SP100: variants seen among roughly 807,000 people sequenced by gnomAD.
SP100 encodes the protein SP100 nuclear body protein, also known as nuclear autoantigen Sp-100.
Under a neutral mutation model 130.0 loss-of-function variants are expected in SP100, and 84 were observed. The ratio of observed to expected loss-of-function variants is 0.65; its 90% CI spans 0.54 to 0.77. The LOEUF (loss-of-function observed/expected upper bound fraction) is 0.77, where lower values mean the gene tolerates loss of function less well. SP100 is among the 30% of genes least tolerant of loss of function. The probability of loss-of-function intolerance (pLI) is 0.00; values close to 1 mark genes in which losing one functional copy is unlikely to be tolerated. For missense variants in SP100, 978 were observed against 1,052.2 expected (o/e 0.93, Z 0.97); for synonymous variants, 331 against 351.7 (o/e 0.94, Z 0.66).
At chr2:230,436,942 G>A (rs61017785) in intron 2 of SP100, among the ~76,000 whole-genome samples, 28 of 107,470 alleles carry the variant, frequency 2.6e-4, no homozygotes, top group East Asian at 1.1e-3. Flanking sequence ...ATACACACAC[G>A]CATATATGTG....
rs184113166 is a variant in SP100 at position 230,493,682 on chromosome 2, T to C, written c.1601-734T>C. On this transcript the variant is annotated intron_variant, in intron 17 of 28. Coordinates refer to ENST00000340126, the MANE Select transcript of SP100 (RefSeq NM_001080391.2). ...TTTTTTCTACTTATTTCTTAAGTTC[T>C]GGCTGTTATAAACACAATTACAGCT... 3.7e-4 allele frequency: 57 copies of C among 152,332 alleles called. 1 individual carries two copies. Among genetic ancestry groups the C allele is most frequent in the African/African-American group, 1.3e-3 (55 of 41,578 alleles). 9.4% of individuals were successfully genotyped at this position (152,332 alleles called of 1,614,324 possible). A position where few individuals can be genotyped will look rare whatever the true frequency, so the allele number is the denominator to read the frequency against.
intron 3 of SP100, among the ~76,000 whole-genome samples, chr2:230,443,770 G>A (rs985134663): frequency 1.8e-4 from 27 of 152,178 alleles, no homozygotes; most frequent in Non-Finnish European, 2.9e-5. Flanking sequence ...AGGGGAGACT[G>A]GTTGCCTGGT....
Position 230,466,042 on chromosome 2 carries a change from G to A in SP100, c.1142-259G>A, listed in dbSNP as rs563519074. Among the ~76,000 whole-genome samples the A allele has an allele frequency of 2.4e-4, 37 of 151,790 alleles. No individual in the cohort carries two copies. In the South Asian group the frequency reaches 6.2e-3, roughly 26 times the overall value. On this transcript the variant is annotated intron_variant, in intron 11 of 28. Coordinates refer to ENST00000340126, the MANE Select transcript of SP100 (RefSeq NM_001080391.2). ...TTTACTAAAAATACAAAAATTAGCC[G>A]GGCTTGGTGGTGCACAACTATAATC...
chr2:230,504,338 C>T, intron 21 of SP100, 48 bp downstream of exon 21: 1 of 1,098,318 alleles, frequency 9.1e-7, no homozygotes, highest in Non-Finnish European at 1.4e-6. Context: ...AATATCCACA[C>T]AGATAGCATA....
chr2:230,458,430 G>T (rs187057055), intron 8 of SP100, among the ~76,000 whole-genome samples: 68 of 152,268 alleles, frequency 4.5e-4, no homozygotes, highest in African/African-American at 1.5e-3. Flanking sequence ...CTGTCTGAGG[G>T]GTGGCAGAGG....
chr2:230,470,954 ATAAAC>A (rs2065235587), intron 15 of SP100, among the ~76,000 whole-genome samples: 2 of 141,444 alleles, frequency 1.4e-5, no homozygotes, highest in Non-Finnish European at 3.1e-5. Flanking sequence ...GTATACATAC[ATAAAC>A]ACACACATAT....
intron 8 of SP100, among the ~76,000 whole-genome samples, chr2:230,458,240 G>A (rs781747566): frequency 2.6e-5 from 4 of 152,140 alleles, no homozygotes; most frequent in Non-Finnish European, 4.4e-5. Context: ...TTTTCCATAC[G>A]TATTATGTGC....
intron 24 of SP100, chr2:230,515,849 G>T (rs973094423): frequency 4.4e-6 from 6 of 1,357,938 alleles, no homozygotes; most frequent in Non-Finnish European, 5.7e-6. Flanking sequence ...ACCTTTGCCT[G>T]GTACAGTATG....
In SP100 at chr2:230,542,902, T is replaced by G; in HGVS notation, c.2614T>G (p.Phe872Val). The G allele has an allele frequency of 6.2e-7, 1 of 1,611,708 alleles. No homozygotes were observed. Among genetic ancestry groups the G allele is most frequent in the Non-Finnish European group, 8.5e-7 (1 of 1,177,820 alleles). Residue 872 changes from phenylalanine (F) to valine (V), a missense_variant, in exon 29 of 29, where the codon TTT becomes GTT. Physicochemically the swap from Phe to Val is conservative, Grantham distance 50. Transcript: ENST00000340126. ...DIFEKNFRNI[F>V]AIQETSKNII... The stretch of plus-strand genomic sequence containing the variant: ...CTTTGAGAAGAATTTCAGAAACATT[T>G]TTGCAATTCAGGAAACAAGCAAGAA...
At chr2:230,539,442 C>T in intron 25 of SP100, 60 bp downstream of exon 25, 1 of 1,137,100 alleles carries the variant, frequency 8.8e-7, no homozygotes, top group Non-Finnish European at 1.3e-6. Flanking sequence ...CTCCTCCTGC[C>T]ACTCATGAGT....
intron 23 of SP100, chr2:230,509,550 C>G (rs1364215317): frequency 6.6e-6 from 1 of 152,342 alleles, no homozygotes; most frequent in Non-Finnish European, 1.5e-5. Flanking sequence ...TCTCCCATCC[C>G]TTCATCACAG....
At chr2:230,473,683 T>C (rs2065389306) in intron 16 of SP100, among the ~76,000 whole-genome samples, 1 of 152,164 alleles carries the variant, frequency 6.6e-6, no homozygotes, top group Non-Finnish European at 1.5e-5. Flanking sequence ...GCCGCCAGAA[T>C]CCTGTTCTCT....
chr2:230,446,935 G>A (rs775344389), intron 5 of SP100, 33 bp downstream of exon 5: 2 of 1,308,702 alleles, frequency 1.5e-6, no homozygotes, highest in South Asian at 2.5e-5. Flanking sequence ...TTTTTTCTAA[G>A]AGAGGTTAGG....
intron 24 of SP100, among the ~76,000 whole-genome samples, chr2:230,530,992 G>A (rs578111050): frequency 4.6e-5 from 7 of 152,272 alleles, no homozygotes; most frequent in East Asian, 1.9e-4. Flanking sequence ...TAGTTCAACC[G>A]TTGTGGAAGA....
intron 24 of SP100, chr2:230,515,323 G>A (rs764674052): frequency 5.6e-6 from 9 of 1,613,578 alleles, no homozygotes; most frequent in Non-Finnish European, 6.8e-6. Flanking sequence ...GCCTCCTTTG[G>A]CCTTTTTCCT....
intron 23 of SP100, chr2:230,509,546 A>G (rs1321531896): frequency 6.6e-6 from 1 of 152,284 alleles, no homozygotes; most frequent in African/African-American, 2.4e-5. Context: ...GCCATCTCCC[A>G]TCCCTTCATC....
intron 10 of SP100, among the ~76,000 whole-genome samples, chr2:230,463,028 T>TA (rs1179657800): frequency 6.6e-6 from 1 of 152,236 alleles, no homozygotes; most frequent in African/African-American, 2.4e-5. Context: ...TTGTTTCTGA[T>TA]AGAGTTCTTC....
At chr2:230,530,337 T>A (rs941372026) in intron 24 of SP100, among the ~76,000 whole-genome samples, 1 of 152,066 alleles carries the variant, frequency 6.6e-6, no homozygotes, top group Non-Finnish European at 1.5e-5. Flanking sequence ...GGAAAGGATT[T>A]CCTATTTAAT....
intron 17 of SP100, among the ~76,000 whole-genome samples, chr2:230,490,138 G>A (rs886716855): frequency 6.6e-6 from 1 of 152,128 alleles, no homozygotes; most frequent in Non-Finnish European, 1.5e-5. Context: ...CAATTATTAT[G>A]TGGGAGTCTA....
Sources: allele counts gnomAD v4.1 joint callset (sites outside exome capture counted in the v4.1 genomes callset), GRCh38; gene constraint gnomAD v4.1.1; transcripts MANE v1.5; gene names NCBI Gene and HGNC (gene_info 2026-07-23, HGNC 2026-07-21).